Variants in PAWR observed in about 807,000 individuals in gnomAD.
The protein encoded by PAWR is pro-apoptotic WT1 regulator, also known as PRKC apoptosis WT1 regulator protein.
PAWR carries 23 observed loss-of-function variants against 32.0 expected under a neutral mutation model. The ratio of observed to expected loss-of-function variants is 0.72; its 90% CI spans 0.52 to 1.02. PAWR has a LOEUF of 1.02. PAWR is among the 50% of genes least tolerant of loss of function. The pLI, the probability that PAWR is intolerant of heterozygous loss-of-function variation, is 0.00. For missense variants in PAWR, 457 were observed against 437.7 expected (o/e 1.04, Z -0.39); for synonymous variants, 226 against 187.1 (o/e 1.21, Z -1.70).
At chr12:79,613,952 TATATATATATATATATATATATATATA>T (rs1246023972) in intron 3 of PAWR, among the ~76,000 whole-genome samples, 78 of 5,650 alleles carry the variant, frequency 0.014, no homozygotes, top group East Asian at 0.082. Flanking sequence ...TATATATATA[TATATATATATATATATATATATATATA>T]TTTTTTTTTT....
intron 4 of PAWR, among the ~76,000 whole-genome samples, chr12:79,605,880 C>T (rs1169656915): frequency 6.6e-6 from 1 of 152,082 alleles, no homozygotes; most frequent in East Asian, 1.9e-4. Flanking sequence ...TCAAGATCAG[C>T]CTGGCCAACA....
intron 4 of PAWR, among the ~76,000 whole-genome samples, chr12:79,608,817 G>A (rs1874311639): frequency 6.6e-6 from 1 of 152,134 alleles, no homozygotes; most frequent in Non-Finnish European, 1.5e-5. Flanking sequence ...GGCTGAGGTG[G>A]GTGAACTACT....
chr12:79,665,016 T>C (rs1026765440), intron 2 of PAWR, among the ~76,000 whole-genome samples: 7 of 152,164 alleles, frequency 4.6e-5, no homozygotes, highest in Non-Finnish European at 8.8e-5. Flanking sequence ...ACAATAGTTA[T>C]ATTTTAAGGT....
chr12:79,637,939 T>A (rs369879392), intron 2 of PAWR, among the ~76,000 whole-genome samples: 7 of 152,298 alleles, frequency 4.6e-5, no homozygotes, highest in African/African-American at 1.7e-4. Flanking sequence ...GAAGTGTACT[T>A]ACATCATCTC....
chr12:79,598,887 C>A (rs951120072), intron 4 of PAWR, among the ~76,000 whole-genome samples: 5 of 152,148 alleles, frequency 3.3e-5, no homozygotes, highest in Admixed American at 1.3e-4. Context: ...CAGGCGCCTG[C>A]CACCATGCCC....
Position 79,591,927 on chromosome 12 carries a change from A to G in PAWR, c.*680T>C. On this transcript the variant is annotated 3_prime_UTR_variant, in exon 7 of 7. Transcript: ENST00000328827. ...AATTTTACATTGAAATTACAATTGT[A>G]TGTTTTTCAGGAGTTAAAGTGATTC... 1 of 152,598 alleles carries G rather than the reference A, an allele frequency of 6.6e-6. No homozygotes were observed. Among genetic ancestry groups the G allele is most frequent in the East Asian group, 1.9e-4 (1 of 5,202 alleles). 9.5% of individuals were successfully genotyped at this position (152,598 alleles called of 1,614,324 possible).
chr12:79,634,039 T>C (rs1875842613), intron 2 of PAWR, among the ~76,000 whole-genome samples: 2 of 152,144 alleles, frequency 1.3e-5, no homozygotes, highest in African/African-American at 4.8e-5. Context: ...GTAGACTTCA[T>C]TATATGATTC....
At chr12:79,626,594 T>A (rs1875338742) in intron 2 of PAWR, among the ~76,000 whole-genome samples, 1 of 151,672 alleles carries the variant, frequency 6.6e-6, no homozygotes, top group Non-Finnish European at 1.5e-5. Flanking sequence ...TTTTTTTAAT[T>A]TTATTATTAT....
chr12:79,622,126 CAAA>C (rs1050561676), intron 2 of PAWR, among the ~76,000 whole-genome samples: 1 of 136,994 alleles, frequency 7.3e-6, no homozygotes, highest in Non-Finnish European at 1.6e-5. Context: ...AGGAATTGGA[CAAA>C]AAAAAAAAGT....
At chr12:79,633,138 C>T (rs988764997) in intron 2 of PAWR, among the ~76,000 whole-genome samples, 2 of 151,780 alleles carry the variant, frequency 1.3e-5, no homozygotes, top group African/African-American at 4.8e-5. Flanking sequence ...AACAAACAAA[C>T]AAACAAACAA....
chr12:79,624,791 T>C (rs572620572), intron 2 of PAWR, among the ~76,000 whole-genome samples: 41 of 152,306 alleles, frequency 2.7e-4, no homozygotes, highest in African/African-American at 9.6e-4. Context: ...GCATAATAAT[T>C]TTATTAAATA....
chr12:79,645,061 C>CACACACACAG (rs1045999591), intron 2 of PAWR, among the ~76,000 whole-genome samples: 1 of 151,734 alleles, frequency 6.6e-6, no homozygotes, highest in African/African-American at 2.4e-5. Flanking sequence ...CACACACACA[C>CACACACACAG]ACACACAAAA....
At chr12:79,621,259 C>A in intron 2 of PAWR, 52 bp from the exon 3 acceptor site, 1 of 1,331,448 alleles carries the variant, frequency 7.5e-7, no homozygotes, top group South Asian at 1.3e-5. Flanking sequence ...TAGACTGTTT[C>A]GATAATATGT....
At chr12:79,628,808 A>T (rs1327184952) in intron 2 of PAWR, among the ~76,000 whole-genome samples, 1 of 152,098 alleles carries the variant, frequency 6.6e-6, no homozygotes, top group East Asian at 1.9e-4. Context: ...AAAAAATGAT[A>T]ATGACATTTT....
chr12:79,604,565 C>A, intron 4 of PAWR: 1 of 1,243,856 alleles, frequency 8.0e-7, no homozygotes. Context: ...ATCAAATATT[C>A]AGAAGTACAG....
chr12:79,612,091 T>C (rs968113661), intron 4 of PAWR, among the ~76,000 whole-genome samples: 15 of 152,144 alleles, frequency 9.9e-5, no homozygotes, highest in Admixed American at 9.8e-4. Flanking sequence ...GAATGTGGTA[T>C]GGGAACAGGC....
chr12:79,659,312 C>A (rs1038780074), intron 2 of PAWR, among the ~76,000 whole-genome samples: 1 of 151,770 alleles, frequency 6.6e-6, no homozygotes, highest in African/African-American at 2.4e-5. Flanking sequence ...AAAAAAAAAT[C>A]TAAATTCAAG....
intron 2 of PAWR, among the ~76,000 whole-genome samples, chr12:79,636,163 A>G (rs1456646534): frequency 6.6e-6 from 1 of 152,182 alleles, no homozygotes; most frequent in Non-Finnish European, 1.5e-5. Context: ...TTCTATTACT[A>G]CAGCTCAAAG....
chr12:79,662,201 CA>C (rs57565065), intron 2 of PAWR, among the ~76,000 whole-genome samples: 776 of 45,630 alleles, frequency 0.017, 3 homozygotes, highest in East Asian at 0.045. Flanking sequence ...AGACATCTCT[CA>C]AAAAAAAAAA....
Sources: gnomAD v4.1 joint callset for allele counts (sites outside exome capture counted in the v4.1 genomes callset) on GRCh38, gnomAD v4.1.1 for gene constraint, MANE v1.5 for transcripts, NCBI Gene and HGNC (gene_info 2026-07-23, HGNC 2026-07-21) for gene names.